The following SUZ12 variants were observed in gnomAD, a reference collection of about 807,000 sequenced individuals.
SUZ12 encodes the protein SUZ12 polycomb repressive complex 2 subunit.
Under a neutral mutation model 87.3 loss-of-function variants are expected in SUZ12, and 17 were observed. The observed-to-expected ratio is 0.19, with a 90% CI of 0.13 to 0.29. The LOEUF (loss-of-function observed/expected upper bound fraction) is 0.29. SUZ12 is among the 10% of genes least tolerant of loss of function. SUZ12 has a pLI of 1.00. For missense variants in SUZ12, 526 were observed against 912.2 expected (o/e 0.58, Z 5.45); for synonymous variants, 253 against 312.4 (o/e 0.81, Z 2.01).
chr17:31,985,440 A>G (rs1909352598), intron 9 of SUZ12, among the ~76,000 whole-genome samples: 1 of 151,382 alleles, frequency 6.6e-6, no homozygotes, highest in Non-Finnish European at 1.5e-5. Flanking sequence ...ACATATATAT[A>G]TATATATTTT....
chr17:31,992,646 G>A (rs528002642), intron 10 of SUZ12, among the ~76,000 whole-genome samples: 7 of 151,988 alleles, frequency 4.6e-5, no homozygotes, highest in Non-Finnish European at 7.4e-5. Flanking sequence ...TCCTGACCTC[G>A]TGATCCACCC....
chr17:31,952,522 G>A (rs1161864188), intron 4 of SUZ12, among the ~76,000 whole-genome samples: 6 of 152,136 alleles, frequency 3.9e-5, no homozygotes. Flanking sequence ...CAGGATTCTA[G>A]GGATTCTTAT....
intron 9 of SUZ12, 113 bp downstream of exon 9, chr17:31,983,217 T>TA: frequency 9.6e-7 from 1 of 1,044,052 alleles, no homozygotes; most frequent in Non-Finnish European, 1.4e-6. Context: ...TTGTTTTTTA[T>TA]ACTTTAAAAA....
Position 31,966,144 on chromosome 17 carries a change from T to A in SUZ12, c.456-3T>A, listed in dbSNP as rs74676743. The A allele has an allele frequency of 3.3e-4, 525 of 1,588,508 alleles. 2 individuals are homozygous for A. In the African/African-American group the frequency reaches 6.6e-3, roughly 20 times the overall value. ...TAAAATATTTCCTTTTTTTTTTTTT[T>A]AGCTTGTCAGCTCATTTGCAGCTTA... On this transcript the variant is annotated splice_region_variant and splice_polypyrimidine_tract_variant and intron_variant, in intron 4 of 15. Transcript: ENST00000322652.
Position 31,994,016 on chromosome 17 carries a change from A to G in SUZ12, c.1437+8A>G. On this transcript the variant is annotated splice_region_variant and intron_variant, in intron 12 of 15. Transcript: ENST00000322652. ...TTTATCTTCAACTATGTTGTGAGTA[A>G]TTTTTCATATTTTCTCAATTTGTGT... 1 of 1,608,256 alleles carries G rather than the reference A, an allele frequency of 6.2e-7. No homozygotes were observed. Among genetic ancestry groups the G allele is most frequent in the Non-Finnish European group, 8.5e-7 (1 of 1,178,332 alleles).
chr17:31,980,429 C>T (rs1465423693), intron 8 of SUZ12, among the ~76,000 whole-genome samples: 17 of 53,808 alleles, frequency 3.2e-4, no homozygotes, highest in South Asian at 2.9e-3. Context: ...TCACCTTCTC[C>T]TTTTTTTTTT....
chr17:31,951,059 C>T (rs1028483135), intron 4 of SUZ12, among the ~76,000 whole-genome samples: 3 of 152,228 alleles, frequency 2.0e-5, no homozygotes, highest in South Asian at 2.1e-4. Context: ...GGATTACAGG[C>T]GTGAGCCACC....
intron 4 of SUZ12, among the ~76,000 whole-genome samples, chr17:31,949,584 ACCT>A (rs964551132): frequency 5.1e-5 from 6 of 118,242 alleles, no homozygotes; most frequent in Middle Eastern, 7.2e-3. Flanking sequence ...TGCAACTGCC[ACCT>A]CCTGGATTCA....
At chr17:31,985,431 C>CATAT (rs755761505) in intron 9 of SUZ12, among the ~76,000 whole-genome samples, 231 of 148,848 alleles carry the variant, frequency 1.6e-3, no homozygotes, top group African/African-American at 5.3e-3. Flanking sequence ...TAACTGTATA[C>CATAT]ATATATATAT....
chr17:31,993,274 A>C lies in SUZ12; in HGVS notation c.1234A>C (p.Thr412Pro). 1 of 1,587,200 alleles carries C rather than the reference A, an allele frequency of 6.3e-7. No homozygotes were observed. Among genetic ancestry groups the C allele is most frequent in the East Asian group, 2.3e-5 (1 of 44,178 alleles). ...AGAATCATTGACTACAGATCTACAA[A>C]CAAGAAAAGAAAAGGATACTCCAAA... The part of the protein sequence containing the change: ...VKESLTTDLQ[T>P]RKEKDTPNEN... The change falls in exon 11 of 16, where the codon ACA (threonine) becomes CCA (proline). Residue 412 changes from threonine (T) to proline (P), a missense_variant. Thr to Pro is a conservative substitution (Grantham distance 38). Around this residue, in one of 9 missense-constraint regions of SUZ12, gnomAD observed 85 missense variants for 87.4 expected, o/e 0.97. Transcript: ENST00000322652.
chr17:31,982,448 G>T (rs1014480737), intron 8 of SUZ12, among the ~76,000 whole-genome samples: 1 of 152,084 alleles, frequency 6.6e-6, no homozygotes, highest in African/African-American at 2.4e-5. Context: ...GATCACGAGG[G>T]CAGGAGTTTA....
intron 10 of SUZ12, among the ~76,000 whole-genome samples, chr17:31,991,182 T>C (rs1909703747): frequency 6.6e-6 from 1 of 152,162 alleles, no homozygotes; most frequent in African/African-American, 2.4e-5. Context: ...GTACACTCAT[T>C]GTGTGCAGGT....
chr17:31,977,629 G>A (rs541719729), intron 8 of SUZ12, among the ~76,000 whole-genome samples: 211 of 152,098 alleles, frequency 1.4e-3, no homozygotes, highest in African/African-American at 4.7e-3. Flanking sequence ...AGTGGCTCAC[G>A]CCTGTAATCC....
At chr17:31,975,424 T>C (rs534378003) in intron 6 of SUZ12, 58 bp from the exon 7 acceptor site, 1 of 1,215,556 alleles carries the variant, frequency 8.2e-7, no homozygotes, top group Non-Finnish European at 1.1e-6. Context: ...GAAGTTTTAT[T>C]ATAATTCTTA....
At chr17:31,998,546 AATC>A (rs199898099) in intron 15 of SUZ12, 109 bp from the exon 16 acceptor site, 15,321 of 725,306 alleles carry the variant, frequency 0.021, 219 homozygotes, top group Non-Finnish European at 0.028. Flanking sequence ...CTGCTTCTTT[AATC>A]ATCTTTTATT....
chr17:31,994,577 G>T lies in SUZ12; in HGVS notation c.1451G>T (p.Gly484Val), dbSNP rs751277924. The T allele has an allele frequency of 6.2e-7, 1 of 1,611,484 alleles. No homozygotes were observed. The highest frequency in any genetic ancestry group is 1.1e-5 in the South Asian group (1 of 90,508). Residue 484 changes from glycine (G) to valine (V), a missense_variant, in exon 13 of 16, where the codon GGT becomes GTT. Physicochemically the swap from Gly to Val is moderately radical, Grantham distance 109. Around this residue, in one of 9 missense-constraint regions of SUZ12, gnomAD observed 143 missense variants for 321.6 expected, o/e 0.44. Coordinates refer to ENST00000322652, the MANE Select transcript of SUZ12 (RefSeq NM_015355.4). Reference sequence around the variant, plus strand: ...TTTTTGTTGCAGTATCATCCAAAAGGTGCTAGGATAGATGTTTCTATCAAT... The same window carrying T: ...TTTTTGTTGCAGTATCATCCAAAAGTTGCTAGGATAGATGTTTCTATCAAT... ...FIFNYVYHPK[G>V]ARIDVSINEC...
intron 8 of SUZ12, among the ~76,000 whole-genome samples, chr17:31,977,779 C>T (rs1007584865): frequency 2.0e-5 from 3 of 152,044 alleles, no homozygotes; most frequent in Non-Finnish European, 2.9e-5. Flanking sequence ...ATCCCAGCTA[C>T]TCAGGAGGCC....
intron 1 of SUZ12, among the ~76,000 whole-genome samples, chr17:31,939,315 A>G (rs1386491509): frequency 6.6e-6 from 1 of 152,038 alleles, no homozygotes; most frequent in Non-Finnish European, 1.5e-5. Context: ...CTGTAATCCT[A>G]GCTACTCTGG....
intron 9 of SUZ12, among the ~76,000 whole-genome samples, chr17:31,984,691 A>T (rs1259271990): frequency 6.6e-6 from 1 of 152,244 alleles, no homozygotes; most frequent in East Asian, 1.9e-4. Context: ...TCTTAAAAAA[A>T]CAAATATAGA....
Sources: gnomAD v4.1 joint callset for allele counts (sites outside exome capture counted in the v4.1 genomes callset) on GRCh38, gnomAD v4.1.1 for gene constraint, gnomAD v4.1.1 regional missense constraint, MANE v1.5 for transcripts, NCBI Gene and HGNC (gene_info 2026-07-23, HGNC 2026-07-21) for gene names.